Variants in PDE1A observed in about 807,000 individuals in gnomAD.
PDE1A encodes dual specificity calcium/calmodulin-dependent 3',5'-cyclic nucleotide phosphodiesterase 1A.
Under a neutral mutation model 61.7 loss-of-function variants are expected in PDE1A, and 35 were observed. The ratio of observed to expected loss-of-function variants is 0.57; its 90% CI spans 0.43 to 0.75. PDE1A has a LOEUF of 0.75. Among genes scored for constraint, PDE1A ranks in the 30% least tolerant of loss-of-function variants. PDE1A has a pLI of 0.00. For synonymous variants in PDE1A, 232 were observed against 213.2 expected (o/e 1.09, Z -0.77); for missense variants, 597 against 630.6 (o/e 0.95, Z 0.57).
At chr2:182,221,781 T>C (rs993184131) in intron 7 of PDE1A, among the ~76,000 whole-genome samples, 1 of 152,014 alleles carries the variant, frequency 6.6e-6, no homozygotes, top group African/African-American at 2.4e-5. Flanking sequence ...AGAACTGGAT[T>C]GACAGTGAGT....
chr2:182,486,028 A>G (rs1182514972), intron 2 of PDE1A, among the ~76,000 whole-genome samples: 2 of 151,812 alleles, frequency 1.3e-5, no homozygotes, highest in African/African-American at 4.8e-5. Flanking sequence ...CTATTCACAG[A>G]CTACAGATTC....
chr2:182,467,894 G>T (rs376133256), intron 2 of PDE1A, among the ~76,000 whole-genome samples: 101 of 151,988 alleles, frequency 6.6e-4, no homozygotes, highest in African/African-American at 2.2e-3. Context: ...TTCTGGTTTT[G>T]CACTATGTAT....
chr2:182,527,658 A>C (rs1411810406), upstream of PDE1A, among the ~76,000 whole-genome samples: 1 of 152,022 alleles, frequency 6.6e-6, no homozygotes, highest in African/African-American at 2.4e-5. Context: ...GTCAAGAAAG[A>C]CAAAAAAAGT....
At position 182,220,754 on chromosome 2, in the gene PDE1A, A is replaced by T. The variant is rs77266331; in HGVS notation, c.776+3110T>A. Among the ~76,000 whole-genome samples the T allele has an allele frequency of 8.3e-3, 1,268 of 152,168 alleles. 13 individuals carry two copies. The highest frequency in any genetic ancestry group is 0.051 in the South Asian group (247 of 4,828). On this transcript the variant is annotated intron_variant, in intron 7 of 13. Transcript: ENST00000351439. The stretch of plus-strand genomic sequence containing the variant: ...GCATTTTAGCCATTTTGTATTATGT[A>T]GTAAATTAGTTTCCAGATTGGAAAA...
chr2:182,361,252 T>G (rs1299841037), intron 1 of PDE1A, among the ~76,000 whole-genome samples: 1 of 152,122 alleles, frequency 6.6e-6, no homozygotes. Context: ...ACATGTGAAA[T>G]AATGTTAGAT....
chr2:182,653,878 C>T, the PDE1A span, among the ~76,000 whole-genome samples: 1 of 152,112 alleles, frequency 6.6e-6, no homozygotes, highest in Non-Finnish European at 1.5e-5. Flanking sequence ...ACAAACGTGC[C>T]TTACTGGGGC....
At chr2:182,410,571 CTG>C (rs1381037263) in intron 1 of PDE1A, among the ~76,000 whole-genome samples, 1 of 152,116 alleles carries the variant, frequency 6.6e-6, no homozygotes, top group Non-Finnish European at 1.5e-5. Context: ...TAATAAATGG[CTG>C]TGTTAAGAAA....
At chr2:182,599,200 C>A in the PDE1A span, among the ~76,000 whole-genome samples, 2 of 152,164 alleles carry the variant, frequency 1.3e-5, no homozygotes, top group Non-Finnish European at 2.9e-5. Context: ...CACTGCCTGG[C>A]TTTTCCCTGC....
At chr2:182,197,753 C>CTATT (rs1341163776) in intron 10 of PDE1A, among the ~76,000 whole-genome samples, 3 of 151,836 alleles carry the variant, frequency 2.0e-5, no homozygotes, top group Non-Finnish European at 4.4e-5. Flanking sequence ...TTTTAATGAT[C>CTATT]TATTTGCCTA....
chr2:182,466,433 A>AG (rs1686672923), intron 2 of PDE1A, among the ~76,000 whole-genome samples: 2 of 152,030 alleles, frequency 1.3e-5, no homozygotes, highest in Admixed American at 1.3e-4. Context: ...TCTGGGCTTT[A>AG]GTTCTCCTAG....
At chr2:182,484,937 C>A (rs1026307553) in intron 2 of PDE1A, among the ~76,000 whole-genome samples, 7 of 151,868 alleles carry the variant, frequency 4.6e-5, no homozygotes, top group African/African-American at 1.7e-4. Flanking sequence ...TTAGTTCAAC[C>A]AATGTGAAAG....
intron 7 of PDE1A, among the ~76,000 whole-genome samples, chr2:182,208,172 C>A (rs1392823267): frequency 6.6e-6 from 1 of 152,126 alleles, no homozygotes; most frequent in Non-Finnish European, 1.5e-5. Context: ...AAGAGGGCTA[C>A]TGTATTAGTC....
chr2:182,458,741 C>T (rs1360222643), intron 2 of PDE1A, among the ~76,000 whole-genome samples: 1 of 152,024 alleles, frequency 6.6e-6, no homozygotes, highest in Non-Finnish European at 1.5e-5. Flanking sequence ...CTGAAGAGTT[C>T]TTAACAAAGC....
At chr2:182,350,467 T>G (rs922217957) in intron 1 of PDE1A, among the ~76,000 whole-genome samples, 3 of 152,138 alleles carry the variant, frequency 2.0e-5, no homozygotes, top group Admixed American at 2.0e-4. Context: ...TCACAAAGAA[T>G]GGCTACATAC....
intron 1 of PDE1A, among the ~76,000 whole-genome samples, chr2:182,327,960 C>T (rs1005162323): frequency 6.6e-6 from 1 of 152,170 alleles, no homozygotes. Context: ...CGATTTAGCA[C>T]CTAAGTAGAA....
rs149553885 is a variant in PDE1A, at chr2:182,275,588, T to C, written c.54-11174A>G. Among the ~76,000 whole-genome samples, 42 of 152,244 alleles carry C rather than the reference T, an allele frequency of 2.8e-4. No homozygotes were observed. The East Asian group carries it at 7.4e-3, about 27-fold the overall frequency. ...AAGGCAAAGCCAACCAAAAGGTATCTAGAATAAGGTATTTAGTTCATCTTA... is the reference window on the plus strand; with the variant it reads ...AAGGCAAAGCCAACCAAAAGGTATCCAGAATAAGGTATTTAGTTCATCTTA... On this transcript the variant is annotated intron_variant, in intron 1 of 13. Transcript: ENST00000351439.
At chr2:182,334,398 C>A (rs753465833) in intron 1 of PDE1A, among the ~76,000 whole-genome samples, 1 of 152,080 alleles carries the variant, frequency 6.6e-6, no homozygotes, top group Non-Finnish European at 1.5e-5. Context: ...CAAACTGAAT[C>A]CAGCAGCACA....
chr2:182,696,460 G>T, the PDE1A span, among the ~76,000 whole-genome samples: 2 of 152,176 alleles, frequency 1.3e-5, no homozygotes, highest in East Asian at 1.9e-4. Context: ...GAATTAGGAG[G>T]AAGGAGAGAT....
downstream of PDE1A, among the ~76,000 whole-genome samples, chr2:182,166,458 C>T: frequency 6.6e-6 from 1 of 152,156 alleles, no homozygotes; most frequent in East Asian, 1.9e-4. Context: ...AGGTTCTCAA[C>T]CTTTGGACCC....
Sources: allele counts gnomAD v4.1 joint callset (sites outside exome capture counted in the v4.1 genomes callset), GRCh38; gene constraint gnomAD v4.1.1; transcripts MANE v1.5; gene names NCBI Gene and HGNC (gene_info 2026-07-23, HGNC 2026-07-21).